The following MACROD2 variants were observed in gnomAD, a reference collection of about 807,000 sequenced individuals.
The protein encoded by MACROD2 is ADP-ribose glycohydrolase MACROD2.
MACROD2 carries 36 observed loss-of-function variants against 70.4 expected under a neutral mutation model. That is an observed-to-expected ratio of 0.51 (90% confidence interval 0.39 to 0.68). The LOEUF (loss-of-function observed/expected upper bound fraction) is 0.68, where lower values mean the gene tolerates loss of function less well. Ranked by LOEUF, MACROD2 falls within the 30% of genes least tolerant of loss-of-function variation. MACROD2 has a pLI of 0.00. For missense variants in MACROD2, 496 were observed against 538.4 expected (o/e 0.92, Z 0.78); for synonymous variants, 172 against 178.8 (o/e 0.96, Z 0.30).
chr20:14,216,067 G>T (rs540562482), intron 3 of MACROD2, among the ~76,000 whole-genome samples: 9 of 151,846 alleles, frequency 5.9e-5, no homozygotes, highest in African/African-American at 2.2e-4. Flanking sequence ...TTGGGTTCTT[G>T]GTCATGAAAT....
At chr20:14,831,237 C>T (rs73612380) in intron 5 of MACROD2, among the ~76,000 whole-genome samples, 34 of 152,192 alleles carry the variant, frequency 2.2e-4, no homozygotes, top group African/African-American at 7.0e-4. Flanking sequence ...CTACCTGTGG[C>T]GCAGTGGCTG....
intron 8 of MACROD2, among the ~76,000 whole-genome samples, chr20:15,627,254 A>T (rs1600685435): frequency 6.7e-6 from 1 of 148,636 alleles, no homozygotes; most frequent in Non-Finnish European, 1.5e-5. Flanking sequence ...AAAAACTGGG[A>T]CCATCCTCTA....
chr20:15,364,860 T>C (rs2045385224), intron 6 of MACROD2, among the ~76,000 whole-genome samples: 1 of 152,192 alleles, frequency 6.6e-6, no homozygotes, highest in Non-Finnish European at 1.5e-5. Flanking sequence ...GTGTAGACAA[T>C]GTGACATATA....
At chr20:14,758,920 C>A (rs2071978768) in intron 5 of MACROD2, among the ~76,000 whole-genome samples, 1 of 152,070 alleles carries the variant, frequency 6.6e-6, no homozygotes, top group Non-Finnish European at 1.5e-5. Context: ...TGGGGGCCCA[C>A]TTATAATTGC....
intron 4 of MACROD2, among the ~76,000 whole-genome samples, chr20:14,661,684 A>G (rs1016025874): frequency 1.3e-5 from 2 of 151,594 alleles, no homozygotes; most frequent in Admixed American, 1.3e-4. Context: ...AAAACTTTAA[A>G]TACACATTTA....
chr20:14,270,688 A>G (rs1269722263), intron 3 of MACROD2, among the ~76,000 whole-genome samples: 1 of 151,626 alleles, frequency 6.6e-6, no homozygotes, highest in East Asian at 1.9e-4. Flanking sequence ...TTTTTTTCCT[A>G]TGTCATCCTT....
At chr20:14,842,476 ATTAT>A (rs2073097526) in intron 5 of MACROD2, among the ~76,000 whole-genome samples, 2 of 152,142 alleles carry the variant, frequency 1.3e-5, no homozygotes, top group South Asian at 4.1e-4. Flanking sequence ...TTTATTAAAA[ATTAT>A]TTATAGTGAT....
chr20:15,058,972 G>C (rs889801125), intron 5 of MACROD2, among the ~76,000 whole-genome samples: 2 of 152,174 alleles, frequency 1.3e-5, no homozygotes, highest in Non-Finnish European at 2.9e-5. Context: ...ATGAACATTT[G>C]ATGACTGACT....
At chr20:15,828,087 A>G (rs1030561215) in intron 8 of MACROD2, among the ~76,000 whole-genome samples, 1 of 152,188 alleles carries the variant, frequency 6.6e-6, no homozygotes, top group Non-Finnish European at 1.5e-5. Flanking sequence ...GTAATTAATA[A>G]TGTGTTGTGT....
At chr20:15,910,394 ATGTG>A (rs3072220) in intron 10 of MACROD2, among the ~76,000 whole-genome samples, 36,761 of 146,092 alleles carry the variant, frequency 0.25, 4,989 homozygotes, top group Non-Finnish European at 0.32. Context: ...GTCAGAGGAC[ATGTG>A]TGTGTGTGTG....
chr20:15,674,038 T>G lies in MACROD2; in HGVS notation c.645+174191T>G, dbSNP rs2050020702. ...TTCTTCTTAAACTTGCATGTGCGTA[T>G]GAATCATCTATAGATCCTGTGAACC... On this transcript the variant is annotated intron_variant, in intron 8 of 17. Transcript: ENST00000684519. Among the ~76,000 whole-genome samples the G allele has an allele frequency of 3.9e-5, 6 of 152,238 alleles. 1 individual carries two copies. The South Asian group carries it at 1.2e-3, about 31-fold the overall frequency.
chr20:15,346,306 T>A (rs2078165581), intron 6 of MACROD2, among the ~76,000 whole-genome samples: 1 of 152,138 alleles, frequency 6.6e-6, no homozygotes, highest in Non-Finnish European at 1.5e-5. Context: ...GGAAAGACTG[T>A]TAAGAAGGAG....
At chr20:15,082,523 G>GTTTTT (rs753606217) in intron 5 of MACROD2, among the ~76,000 whole-genome samples, 15 of 101,740 alleles carry the variant, frequency 1.5e-4, no homozygotes, top group South Asian at 3.8e-4. Flanking sequence ...ACTGCAAGAG[G>GTTTTT]TTTTTTTTTT....
At chr20:15,192,071 T>C (rs2076576445) in intron 5 of MACROD2, among the ~76,000 whole-genome samples, 1 of 151,362 alleles carries the variant, frequency 6.6e-6, no homozygotes, top group African/African-American at 2.4e-5. Context: ...TCTAAAACTC[T>C]CTCTCTCTCC....
intron 8 of MACROD2, among the ~76,000 whole-genome samples, chr20:15,833,123 C>A (rs2064076010): frequency 6.6e-6 from 1 of 152,168 alleles, no homozygotes; most frequent in Admixed American, 6.5e-5. Flanking sequence ...CCAAAATGTG[C>A]AGAAGAAAGT....
chr20:14,278,342 CT>C (rs762370678), intron 3 of MACROD2, among the ~76,000 whole-genome samples: 63 of 152,210 alleles, frequency 4.1e-4, no homozygotes, highest in Non-Finnish European at 5.9e-4. Flanking sequence ...TGCCAGTTGG[CT>C]TTTTTATATG....
intron 8 of MACROD2, among the ~76,000 whole-genome samples, chr20:15,833,165 T>C (rs1175362468): frequency 6.6e-6 from 1 of 152,180 alleles, no homozygotes; most frequent in African/African-American, 2.4e-5. Context: ...AGCTCCACAG[T>C]GTAGTACAAC....
At chr20:14,071,600 G>A (rs2053843918) in intron 2 of MACROD2, among the ~76,000 whole-genome samples, 1 of 151,910 alleles carries the variant, frequency 6.6e-6, no homozygotes, top group African/African-American at 2.4e-5. Flanking sequence ...AACAGAGTTT[G>A]TTTCTCCTCG....
chr20:14,819,868 A>G (rs912556042), intron 5 of MACROD2, among the ~76,000 whole-genome samples: 1 of 152,024 alleles, frequency 6.6e-6, no homozygotes, highest in Non-Finnish European at 1.5e-5. Flanking sequence ...GAAGAAGCCG[A>G]GGAGATGGAA....
Sources: allele counts gnomAD v4.1 joint callset (sites outside exome capture counted in the v4.1 genomes callset), GRCh38; gene constraint gnomAD v4.1.1; transcripts MANE v1.5; gene names NCBI Gene and HGNC (gene_info 2026-07-23, HGNC 2026-07-21).